The following RNF138 variants were observed in gnomAD, a reference collection of about 807,000 sequenced individuals.
RNF138 encodes E3 ubiquitin-protein ligase RNF138.
In RNF138, 12 loss-of-function variants were observed where a neutral mutation model predicts 31.0. That is an observed-to-expected ratio of 0.39 (90% CI 0.25 to 0.63). The LOEUF (loss-of-function observed/expected upper bound fraction) is 0.63. RNF138 is among the 20% of genes least tolerant of loss of function. The pLI, the probability that RNF138 is intolerant of heterozygous loss-of-function variation, is 0.52. For missense variants in RNF138, 192 were observed against 300.1 expected, an observed-to-expected ratio of 0.64 and a Z score of 2.66; for synonymous variants, 105 against 99.5, an observed-to-expected ratio of 1.06 and a Z score of -0.33.
At position 32,130,601 on chromosome 18, in the gene RNF138, C is replaced by T. The variant is rs967804571; in HGVS notation, c.*1414C>T. ...AGAGAATCTCAGAAGTAGTTTGCTG[C>T]TAATATATACATATATTGTATAAAA... On this transcript the variant is annotated 3_prime_UTR_variant, in exon 8 of 8. Coordinates refer to ENST00000261593, the MANE Select transcript of RNF138 (RefSeq NM_016271.5). 6.6e-6 allele frequency: 1 copy of T among 152,322 alleles called. No homozygotes were observed. Among genetic ancestry groups the T allele is most frequent in the Non-Finnish European group, 1.5e-5 (1 of 67,870 alleles). The allele number at this position is 152,322 out of a possible 1,614,324, so 9.4% of individuals were successfully genotyped here.
chr18:32,101,686 T>A (rs2039943165), intron 2 of RNF138, among the ~76,000 whole-genome samples: 2 of 152,228 alleles, frequency 1.3e-5, no homozygotes, highest in African/African-American at 4.8e-5. Context: ...GTCATGTTGC[T>A]TTCCCAAAAA....
intron 2 of RNF138, among the ~76,000 whole-genome samples, chr18:32,109,890 A>C (rs1473977421): frequency 6.6e-6 from 1 of 152,212 alleles, no homozygotes; most frequent in African/African-American, 2.4e-5. Flanking sequence ...TGTCTCAAAA[A>C]AATAAAATAA....
intron 2 of RNF138, among the ~76,000 whole-genome samples, chr18:32,101,472 A>G (rs186447036): frequency 5.2e-4 from 79 of 152,072 alleles, no homozygotes; most frequent in African/African-American, 1.8e-3. Flanking sequence ...ACCTCAAGTG[A>G]TTTGCCTGCC....
At chr18:32,094,446 A>G (rs1250553840) in intron 2 of RNF138, among the ~76,000 whole-genome samples, 1 of 152,204 alleles carries the variant, frequency 6.6e-6, no homozygotes, top group African/African-American at 2.4e-5. Context: ...AAGGGAGATG[A>G]ATGACATCTT....
intron 2 of RNF138, among the ~76,000 whole-genome samples, chr18:32,111,486 G>A (rs1178058174): frequency 6.6e-6 from 1 of 152,072 alleles, no homozygotes; most frequent in East Asian, 1.9e-4. Flanking sequence ...TTAATATGTA[G>A]CATTAATATT....
At chr18:32,092,662 C>T (rs1024279587) in intron 1 of RNF138, 38 bp from the exon 2 acceptor site, 1 of 696,526 alleles carries the variant, frequency 1.4e-6, no homozygotes, top group South Asian at 1.6e-5. Flanking sequence ...CGCGCTGTAT[C>T]CTGATGCGAT....
At chr18:32,127,580 G>A (rs1462630946) in intron 7 of RNF138, among the ~76,000 whole-genome samples, 1 of 152,080 alleles carries the variant, frequency 6.6e-6, no homozygotes, top group African/African-American at 2.4e-5. Context: ...TGTAGAATTT[G>A]CATTATTTAG....
chr18:32,123,914 A>G (rs980712300), intron 5 of RNF138: 1 of 160,684 alleles, frequency 6.2e-6, no homozygotes, highest in African/African-American at 2.4e-5. Flanking sequence ...TGGCCTCCCA[A>G]AGTGCTGGGA....
At chr18:32,125,611 G>A (rs1004607850) in intron 6 of RNF138, among the ~76,000 whole-genome samples, 1 of 152,146 alleles carries the variant, frequency 6.6e-6, no homozygotes, top group African/African-American at 2.4e-5. Flanking sequence ...AGCTGTTTTA[G>A]TGAGTATGCT....
At chr18:32,124,684 T>C (rs749694393) in intron 5 of RNF138, 50 bp from the exon 6 acceptor site, 2 of 917,772 alleles carry the variant, frequency 2.2e-6, no homozygotes, top group South Asian at 2.6e-5. Context: ...GAGAGCGTTA[T>C]TTTTGTGTTA....
At chr18:32,107,129 T>TC (rs899653930) in intron 2 of RNF138, among the ~76,000 whole-genome samples, 1 of 142,736 alleles carries the variant, frequency 7.0e-6, no homozygotes, top group Non-Finnish European at 1.5e-5. Flanking sequence ...TTTTTTTTTT[T>TC]TTTTTTTTGG....
chr18:32,125,999 T>C (rs545991371), intron 6 of RNF138, among the ~76,000 whole-genome samples: 1 of 152,378 alleles, frequency 6.6e-6, no homozygotes, highest in East Asian at 1.9e-4. Context: ...CTGCATAATA[T>C]TCGATATATC....
intron 4 of RNF138, among the ~76,000 whole-genome samples, chr18:32,119,741 G>T (rs1029852274): frequency 2.0e-5 from 3 of 152,078 alleles, no homozygotes; most frequent in Non-Finnish European, 4.4e-5. Context: ...CATTTAAAAA[G>T]AAATGGATTA....
At position 32,111,314 on chromosome 18, in the gene RNF138, C is replaced by A. The variant is rs576172808; in HGVS notation, c.111-440C>A. Reference sequence around the variant, plus strand: ...TGTGGAACAACATGTCGATATACATCAGTTTGAGACAAAAGCTTATGTTAC... The same window carrying A: ...TGTGGAACAACATGTCGATATACATAAGTTTGAGACAAAAGCTTATGTTAC... On this transcript the variant is annotated intron_variant, in intron 2 of 7. Transcript: ENST00000261593. Among the ~76,000 whole-genome samples, 89 of 152,240 alleles carry A rather than the reference C, an allele frequency of 5.8e-4. 1 individual carries two copies. The South Asian group carries it at 0.018, about 31-fold the overall frequency.
chr18:32,119,410 C>CATTTT (rs1366016424), intron 4 of RNF138, among the ~76,000 whole-genome samples: 4 of 151,756 alleles, frequency 2.6e-5, no homozygotes, highest in Admixed American at 6.6e-5. Context: ...GCCTCTTTCT[C>CATTTT]ATTTTATTTT....
chr18:32,092,132 T>C lies in RNF138; in HGVS notation c.-181T>C, dbSNP rs895993275. 2 of 152,734 alleles carry C rather than the reference T, an allele frequency of 1.3e-5. No homozygotes were observed. Among genetic ancestry groups the C allele is most frequent in the Admixed American group, 1.3e-4 (2 of 15,300 alleles). 9.5% of individuals were successfully genotyped at this position (152,734 alleles called of 1,614,324 possible). A position where few individuals can be genotyped will look rare whatever the true frequency, so the allele number is the denominator to read the frequency against. On this transcript the variant is annotated 5_prime_UTR_variant, in exon 1 of 8. Coordinates refer to ENST00000261593, the MANE Select transcript of RNF138 (RefSeq NM_016271.5). ...TGCCCCGGGGCCTCGGCTGCGAAGATAGCGGCGGCCGGACAGGAAGCTCGA... is the reference window on the plus strand; with the variant it reads ...TGCCCCGGGGCCTCGGCTGCGAAGACAGCGGCGGCCGGACAGGAAGCTCGA...
chr18:32,099,191 C>A (rs985721202), intron 2 of RNF138, among the ~76,000 whole-genome samples: 2 of 151,958 alleles, frequency 1.3e-5, no homozygotes, highest in African/African-American at 4.8e-5. Flanking sequence ...AAGATACGGG[C>A]CTTTTCAGGA....
chr18:32,098,852 CAAAAAAAAAAA>C (rs76852201), intron 2 of RNF138, among the ~76,000 whole-genome samples: 2 of 58,288 alleles, frequency 3.4e-5, no homozygotes, highest in African/African-American at 1.2e-4. Flanking sequence ...GACTCCGTTT[CAAAAAAAAAAA>C]AAAAAAGATT....
In RNF138 at chr18:32,129,212, TG is replaced by T. The variant is rs148608895; in HGVS notation, c.*26del. ...AAGGCTGTAGACATCTCTGCATCTT[TG>T]TACCTGCAAGTGCCATCTTTAAGGG... On this transcript the variant is annotated 3_prime_UTR_variant, in exon 8 of 8. Coordinates refer to ENST00000261593, the MANE Select transcript of RNF138 (RefSeq NM_016271.5). 7,093 of 1,541,558 alleles carry T rather than the reference TG, an allele frequency of 4.6e-3. 258 individuals carry two copies. In the African/African-American group the frequency reaches 0.083, roughly 18 times the overall value.
Sources: gnomAD v4.1 joint callset for allele counts (sites outside exome capture counted in the v4.1 genomes callset) on GRCh38, gnomAD v4.1.1 for gene constraint, MANE v1.5 for transcripts, NCBI Gene and HGNC (gene_info 2026-07-23, HGNC 2026-07-21) for gene names.